Variants in GRID2 observed in about 807,000 individuals in gnomAD.
GRID2 encodes the protein glutamate ionotropic receptor delta type subunit 2.
A neutral mutation model predicts 114.8 loss-of-function variants in GRID2; 33 were observed. That is an observed-to-expected ratio of 0.29 (90% CI 0.22 to 0.38). The LOEUF is 0.38. GRID2 is among the 10% of genes least tolerant of loss of function. The pLI is 1.00. For synonymous variants in GRID2, 505 were observed against 449.9 expected (o/e 1.12, Z -1.55); for missense variants, 1,184 against 1,257.7 (o/e 0.94, Z 0.89).
intron 1 of GRID2, among the ~76,000 whole-genome samples, chr4:92,537,126 T>A (rs192211586): frequency 6.6e-6 from 1 of 152,306 alleles, no homozygotes; most frequent in East Asian, 1.9e-4. Flanking sequence ...TAAATAATGA[T>A]AATGTTCTAT....
chr4:93,533,802 G>A (rs1056971626), intron 13 of GRID2, among the ~76,000 whole-genome samples: 1 of 152,056 alleles, frequency 6.6e-6, no homozygotes, highest in African/African-American at 2.4e-5. Context: ...TTTCTACCAA[G>A]TCTTCCTGAT....
chr4:92,985,829 A>G (rs986201170), intron 2 of GRID2, among the ~76,000 whole-genome samples: 2 of 152,150 alleles, frequency 1.3e-5, no homozygotes, highest in Non-Finnish European at 2.9e-5. Context: ...TGAACTTCCT[A>G]TTGAAGTTAT....
chr4:92,777,627 C>T (rs893703039), intron 2 of GRID2, among the ~76,000 whole-genome samples: 4 of 150,392 alleles, frequency 2.7e-5, no homozygotes, highest in Non-Finnish European at 4.4e-5. Context: ...GAGATAGGGC[C>T]ATTAAAGAAG....
At position 92,916,138 on chromosome 4, in the gene GRID2, T is replaced by A. The variant is rs1019798440; in HGVS notation, c.245-168857T>A. ...TTTTGGTGTCTTTGTCGTGAAATTTTTCCTGTGCCTATGTCCTAAATGGTA... is the reference window on the plus strand; with the variant it reads ...TTTTGGTGTCTTTGTCGTGAAATTTATCCTGTGCCTATGTCCTAAATGGTA... On this transcript the variant is annotated intron_variant, in intron 2 of 15. Transcript: ENST00000282020. Among the ~76,000 whole-genome samples the A allele has an allele frequency of 2.6e-5, 4 of 152,276 alleles. No homozygotes were observed. In the East Asian group the frequency reaches 7.7e-4, roughly 29 times the overall value.
chr4:92,921,661 G>A (rs1003903598), intron 2 of GRID2, among the ~76,000 whole-genome samples: 77 of 152,232 alleles, frequency 5.1e-4, no homozygotes, highest in African/African-American at 1.7e-3. Context: ...GCAGAACAGC[G>A]GCTATTGGTG....
chr4:92,593,854 A>AT (rs549208733), intron 2 of GRID2, among the ~76,000 whole-genome samples: 20 of 138,662 alleles, frequency 1.4e-4, no homozygotes, highest in South Asian at 9.1e-4. Context: ...TTTCTTGACA[A>AT]TTTTTTTTTT....
At chr4:93,166,794 T>C (rs953876230) in intron 4 of GRID2, among the ~76,000 whole-genome samples, 1 of 152,136 alleles carries the variant, frequency 6.6e-6, no homozygotes, top group Non-Finnish European at 1.5e-5. Flanking sequence ...GTCTGTCTCC[T>C]TGAAATAAGT....
rs143986555 is a variant in GRID2, at chr4:92,571,378, T to C, written c.89-18753T>C. 2.2e-3 allele frequency among the ~76,000 whole-genome samples: 331 copies of C among 152,240 alleles called. 1 individual carries two copies. The highest frequency in any genetic ancestry group is 7.6e-3 in the African/African-American group (317 of 41,544). On this transcript the variant is annotated intron_variant, in intron 1 of 15. Coordinates refer to ENST00000282020, the MANE Select transcript of GRID2 (RefSeq NM_001510.4). ...CCCAATACAGGAGCACCAAGATTCA[T>C]AGAGCAAGTCTTTAGAGACCTACAA...
chr4:93,211,855 C>A (rs1192658594), intron 5 of GRID2, among the ~76,000 whole-genome samples: 1 of 152,104 alleles, frequency 6.6e-6, no homozygotes, highest in Non-Finnish European at 1.5e-5. Flanking sequence ...TAAACAAAAA[C>A]CATTATTGGC....
chr4:93,382,993 C>T (rs1469747788), intron 8 of GRID2, among the ~76,000 whole-genome samples: 3 of 151,926 alleles, frequency 2.0e-5, no homozygotes, highest in Non-Finnish European at 4.4e-5. Context: ...AAGGTCTTCT[C>T]AAGTCTCTTT....
chr4:92,749,940 C>A (rs1737363417), intron 2 of GRID2, among the ~76,000 whole-genome samples: 1 of 151,962 alleles, frequency 6.6e-6, no homozygotes, highest in Non-Finnish European at 1.5e-5. Flanking sequence ...CGGCTGACTG[C>A]AACCTCTGCC....
At chr4:92,991,884 A>G (rs1754925799) in intron 2 of GRID2, among the ~76,000 whole-genome samples, 1 of 152,198 alleles carries the variant, frequency 6.6e-6, no homozygotes, top group Admixed American at 6.5e-5. Context: ...ACATTACCAC[A>G]TTACAGGATA....
At chr4:92,778,348 C>T (rs1431173136) in intron 2 of GRID2, among the ~76,000 whole-genome samples, 1 of 151,902 alleles carries the variant, frequency 6.6e-6, no homozygotes, top group Non-Finnish European at 1.5e-5. Context: ...AAATGTTAAA[C>T]CTTACATCCC....
At chr4:93,661,206 G>T (rs1303014443) in intron 14 of GRID2, among the ~76,000 whole-genome samples, 3 of 152,176 alleles carry the variant, frequency 2.0e-5, no homozygotes, top group Non-Finnish European at 4.4e-5. Flanking sequence ...ATCAGTTCTT[G>T]CATTGTTTTC....
intron 1 of GRID2, among the ~76,000 whole-genome samples, chr4:92,486,420 A>T (rs868813371): frequency 4.6e-5 from 7 of 151,814 alleles, no homozygotes; most frequent in Admixed American, 6.6e-5. Context: ...ATATAATAAA[A>T]CTTGAAAGTT....
chr4:92,678,989 A>C (rs1395145841), intron 2 of GRID2, among the ~76,000 whole-genome samples: 1 of 145,728 alleles, frequency 6.9e-6, no homozygotes. Context: ...TTTTTTTTTA[A>C]TCCTCCCAGT....
intron 1 of GRID2, among the ~76,000 whole-genome samples, chr4:92,480,788 G>A (rs1281606731): frequency 6.6e-6 from 1 of 152,028 alleles, no homozygotes; most frequent in Non-Finnish European, 1.5e-5. Flanking sequence ...TATCTTTTGG[G>A]GGTGCCATCC....
At chr4:93,493,702 A>G (rs545031639) in intron 12 of GRID2, among the ~76,000 whole-genome samples, 1 of 151,846 alleles carries the variant, frequency 6.6e-6, no homozygotes, top group Non-Finnish European at 1.5e-5. Flanking sequence ...ATGCAATAGC[A>G]GTGGGAGGAG....
intron 1 of GRID2, among the ~76,000 whole-genome samples, chr4:92,575,058 T>C (rs1727818415): frequency 6.6e-6 from 1 of 152,214 alleles, no homozygotes; most frequent in African/African-American, 2.4e-5. Flanking sequence ...ATTTCAGAAA[T>C]ATAGTCTTCA....
Sources: gnomAD v4.1 joint callset for allele counts (sites outside exome capture counted in the v4.1 genomes callset) on GRCh38, gnomAD v4.1.1 for gene constraint, MANE v1.5 for transcripts, NCBI Gene and HGNC (gene_info 2026-07-23, HGNC 2026-07-21) for gene names.